The following RAB11FIP4 variants were observed in gnomAD, a reference collection of about 807,000 sequenced individuals.
The protein encoded by RAB11FIP4 is RAB11 family interacting protein 4, also known as rab11 family-interacting protein 4.
RAB11FIP4 carries 23 observed loss-of-function variants against 74.3 expected under a neutral mutation model. The observed-to-expected ratio is 0.31, with a 90% CI of 0.22 to 0.44. RAB11FIP4 has a LOEUF of 0.44. RAB11FIP4 is among the 20% of genes least tolerant of loss of function. The pLI is 1.00. For synonymous variants in RAB11FIP4, 360 were observed against 359.9 expected, an observed-to-expected ratio of 1.00 and a Z score of 0.00; for missense variants, 630 against 863.9, an observed-to-expected ratio of 0.73 and a Z score of 3.39.
chr17:31,511,005 T>G (rs1287689568), intron 3 of RAB11FIP4, among the ~76,000 whole-genome samples: 2 of 152,006 alleles, frequency 1.3e-5, no homozygotes, highest in African/African-American at 4.8e-5. Context: ...GGTTTTTTTG[T>G]TTTTGTTGTT....
In RAB11FIP4 at chr17:31,536,313, G is replaced by A. The variant is rs1343594122; in HGVS notation, c.*4581G>A. 6.6e-6 allele frequency: 1 copy of A among 152,090 alleles called. No homozygotes were observed. The highest frequency in any genetic ancestry group is 1.5e-5 in the Non-Finnish European group (1 of 68,004). The allele number at this position is 152,090 out of a possible 1,614,324, so 9.4% of individuals were successfully genotyped here. Reference sequence around the variant, plus strand: ...AGTTCGAGACCAGCCTGGACAACATGGTGAAACTCTTGTCTTTATTTTTTT... The same window carrying A: ...AGTTCGAGACCAGCCTGGACAACATAGTGAAACTCTTGTCTTTATTTTTTT... On this transcript the variant is annotated 3_prime_UTR_variant, in exon 15 of 15. Transcript: ENST00000621161.
intron 3 of RAB11FIP4, among the ~76,000 whole-genome samples, chr17:31,516,669 C>T (rs1340034045): frequency 2.0e-5 from 3 of 152,182 alleles, no homozygotes; most frequent in Non-Finnish European, 2.9e-5. Flanking sequence ...GGGGTTTCAC[C>T]GTATTAGCCA....
chr17:31,517,206 T>TG (rs199757879), intron 3 of RAB11FIP4, among the ~76,000 whole-genome samples: 2,591 of 20,290 alleles, frequency 0.13, 161 homozygotes, highest in African/African-American at 0.33. Flanking sequence ...GGGGGGGCGG[T>TG]GGGGGGGGCG....
intron 3 of RAB11FIP4, among the ~76,000 whole-genome samples, chr17:31,447,867 T>C (rs1292844787): frequency 7.0e-6 from 1 of 142,356 alleles, no homozygotes; most frequent in South Asian, 2.2e-4. Context: ...AGCACCCGGG[T>C]TGGAGTGCAG....
intron 3 of RAB11FIP4, among the ~76,000 whole-genome samples, chr17:31,498,529 C>G (rs7220361): frequency 0.024 from 3,718 of 152,290 alleles, 146 homozygotes; most frequent in African/African-American, 0.084. Context: ...CCCTGCTGAC[C>G]CTGACCTGCC....
At position 31,505,594 on chromosome 17, in the gene RAB11FIP4, T is replaced by TAATAATTATTATATATAATATATAATA. The variant is rs1567681385; in HGVS notation, c.337-12056_337-12055insATAATTATTATATATAATATATAATAA. Among the ~76,000 whole-genome samples the TAATAATTATTATATATAATATATAATA allele has an allele frequency of 1.4e-4, 10 of 69,838 alleles. No individual in the cohort carries two copies. The East Asian group carries it at 3.6e-3, about 25-fold the overall frequency. 45.8% of individuals were successfully genotyped at this position (69,838 alleles called of 152,430 possible). A position where few individuals can be genotyped will look rare whatever the true frequency, so the allele number is the denominator to read the frequency against. On this transcript the variant is annotated intron_variant, in intron 3 of 14. Coordinates refer to ENST00000621161, the MANE Select transcript of RAB11FIP4 (RefSeq NM_032932.6). ...ATAATAATATATAATAATAATTATA[T>TAATAATTATTATATATAATATATAATA]ATTATATAATAATAATTATATATAA...
chr17:31,515,942 G>A (rs2072537725), intron 3 of RAB11FIP4, among the ~76,000 whole-genome samples: 1 of 152,212 alleles, frequency 6.6e-6, no homozygotes, highest in Admixed American at 6.5e-5. Flanking sequence ...CCCAGACCCA[G>A]CACAAGCAAC....
chr17:31,487,256 A>C (rs62063863), intron 3 of RAB11FIP4, among the ~76,000 whole-genome samples: 30,078 of 152,096 alleles, frequency 0.2, 3,049 homozygotes, highest in South Asian at 0.3. Context: ...CATGGTTAAG[A>C]GTGATGGGGG....
intron 3 of RAB11FIP4, among the ~76,000 whole-genome samples, chr17:31,515,462 C>T (rs565210555): frequency 9.9e-5 from 15 of 151,726 alleles, no homozygotes; most frequent in African/African-American, 3.4e-4. Flanking sequence ...GATAATATTG[C>T]CATCTATTTT....
chr17:31,433,416 G>T (rs1415875490), intron 2 of RAB11FIP4, among the ~76,000 whole-genome samples: 1 of 152,254 alleles, frequency 6.6e-6, no homozygotes, highest in African/African-American at 2.4e-5. Flanking sequence ...AACACAGAAG[G>T]TGCCCAGGGA....
In RAB11FIP4 at chr17:31,487,228, T is replaced by G. The variant is rs72624998; in HGVS notation, c.337-30423T>G. The stretch of plus-strand genomic sequence containing the variant: ...CCGCTTTACATTCATCTCATTTTTG[T>G]CTTTTTAAAGTCCAGGGCATGGTTA... On this transcript the variant is annotated intron_variant, in intron 3 of 14. Coordinates refer to ENST00000621161, the MANE Select transcript of RAB11FIP4 (RefSeq NM_032932.6). 6.5e-3 allele frequency among the ~76,000 whole-genome samples: 985 copies of G among 152,304 alleles called. 64 individuals are homozygous for G. The East Asian group carries it at 0.15, about 24-fold the overall frequency.
intron 13 of RAB11FIP4, among the ~76,000 whole-genome samples, 165 bp from the exon 14 acceptor site, chr17:31,530,161 G>A (rs1001757555): frequency 2.0e-5 from 3 of 152,214 alleles, no homozygotes; most frequent in East Asian, 1.9e-4. Flanking sequence ...TGCCCCCAGC[G>A]CTTGGCAAAG....
chr17:31,434,506 C>T (rs967881599), intron 3 of RAB11FIP4, among the ~76,000 whole-genome samples: 7 of 152,182 alleles, frequency 4.6e-5, no homozygotes, highest in African/African-American at 1.7e-4. Context: ...TTCTCCAATT[C>T]TCTGACACTA....
At chr17:31,516,816 A>G (rs2072560500) in intron 3 of RAB11FIP4, among the ~76,000 whole-genome samples, 1 of 152,236 alleles carries the variant, frequency 6.6e-6, no homozygotes. Context: ...AGGCCCAAGC[A>G]TAGGGGATCA....
intron 1 of RAB11FIP4, among the ~76,000 whole-genome samples, chr17:31,420,144 C>T (rs1012490335): frequency 5.9e-5 from 9 of 152,286 alleles, no homozygotes; most frequent in African/African-American, 1.7e-4. Flanking sequence ...TCCATTAGCT[C>T]ATCTAAGTTG....
At chr17:31,463,118 C>T (rs889518094) in intron 3 of RAB11FIP4, among the ~76,000 whole-genome samples, 1 of 152,142 alleles carries the variant, frequency 6.6e-6, no homozygotes, top group Non-Finnish European at 1.5e-5. Context: ...CATGAGGAGG[C>T]GTTAACACAT....
chr17:31,524,399 G>T (rs1378632708), intron 9 of RAB11FIP4: 7 of 197,022 alleles, frequency 3.6e-5, no homozygotes, highest in Non-Finnish European at 2.1e-5. Flanking sequence ...GCTGATGGAG[G>T]TCCCCTGAGC....
At chr17:31,495,810 G>A (rs538595510) in intron 3 of RAB11FIP4, among the ~76,000 whole-genome samples, 1 of 152,328 alleles carries the variant, frequency 6.6e-6, no homozygotes, top group South Asian at 2.1e-4. Flanking sequence ...TATAGCAGCA[G>A]GTGTGTGCTC....
intron 1 of RAB11FIP4, among the ~76,000 whole-genome samples, chr17:31,398,938 C>A (rs746840604): frequency 6.6e-6 from 1 of 152,152 alleles, no homozygotes; most frequent in Non-Finnish European, 1.5e-5. Context: ...AAGTTCGGCA[C>A]TGGGCAACAC....
Sources: allele counts gnomAD v4.1 joint callset (sites outside exome capture counted in the v4.1 genomes callset), GRCh38; gene constraint gnomAD v4.1.1; transcripts MANE v1.5; gene names NCBI Gene and HGNC (gene_info 2026-07-23, HGNC 2026-07-21).